GRIK1: variants seen among roughly 807,000 people sequenced by gnomAD.
The protein encoded by GRIK1 is glutamate ionotropic receptor kainate type subunit 1.
GRIK1 carries 69 observed loss-of-function variants against 105.7 expected under a neutral mutation model. That is an observed-to-expected ratio of 0.65 (90% CI 0.54 to 0.80). The LOEUF is 0.80. Among genes scored for constraint, GRIK1 ranks in the 30% least tolerant of loss-of-function variants. The pLI is 0.00. For missense variants in GRIK1, 1,109 were observed against 1,167.3 expected (o/e 0.95, Z 0.73); for synonymous variants, 438 against 431.3 (o/e 1.02, Z -0.19).
chr21:29,786,230 G>A (rs1488999214), intron 1 of GRIK1, among the ~76,000 whole-genome samples: 2 of 152,022 alleles, frequency 1.3e-5, no homozygotes, highest in African/African-American at 2.4e-5. Context: ...CCTGTGATCC[G>A]CCCGCCTCAG....
At chr21:29,857,813 T>C (rs1295613917) in intron 1 of GRIK1, among the ~76,000 whole-genome samples, 1 of 152,364 alleles carries the variant, frequency 6.6e-6, no homozygotes, top group South Asian at 2.1e-4. Context: ...TGAGTTATCA[T>C]GTCAAGACTT....
At chr21:29,667,767 T>C (rs1446969939) in intron 4 of GRIK1, among the ~76,000 whole-genome samples, 1 of 152,214 alleles carries the variant, frequency 6.6e-6, no homozygotes, top group Non-Finnish European at 1.5e-5. Flanking sequence ...GCCATCTTGC[T>C]TTTCATCAGA....
Position 29,939,469 on chromosome 21 carries a change from C to A in GRIK1, c.32G>T (p.Gly11Val), listed in dbSNP as rs1356884853. 4.4e-6 allele frequency: 7 copies of A among 1,599,332 alleles called. No individual in the cohort carries two copies. The highest frequency in any genetic ancestry group is 3.3e-4 in the Middle Eastern group (2 of 6,004). The change falls in exon 1 of 18, where the codon GGG becomes GTG. Residue 11 changes from glycine (G) to valine (V), a missense_variant. Physicochemically the swap from Gly to Val is moderately radical, Grantham distance 109. Transcript: ENST00000327783. ...CCAGCTGGTGTCCCTGGTCCAGAGC[C>A]CGGGCTGGGCGAGGAGTGTGCCGTG... MEHGTLLAQP[G>V]LWTRDTSWAL...
chr21:29,784,576 A>G (rs1016401625), intron 1 of GRIK1, among the ~76,000 whole-genome samples: 4 of 152,180 alleles, frequency 2.6e-5, no homozygotes, highest in African/African-American at 9.7e-5. Context: ...TTGGAGATTT[A>G]TAAGCTCTGA....
At chr21:29,847,303 TTAAC>T (rs1277295472) in intron 1 of GRIK1, among the ~76,000 whole-genome samples, 2 of 152,162 alleles carry the variant, frequency 1.3e-5, no homozygotes, top group Non-Finnish European at 2.9e-5. Context: ...TTTCTATACT[TTAAC>T]TATTGTGGCC....
chr21:29,673,421 C>T (rs1167179456), intron 3 of GRIK1, among the ~76,000 whole-genome samples: 2 of 152,084 alleles, frequency 1.3e-5, no homozygotes, highest in Non-Finnish European at 2.9e-5. Flanking sequence ...TTGTCCTTTC[C>T]AGCTTTCAGC....
At chr21:29,910,917 G>C (rs1203068727) in intron 1 of GRIK1, among the ~76,000 whole-genome samples, 1 of 151,954 alleles carries the variant, frequency 6.6e-6, no homozygotes, top group African/African-American at 2.4e-5. Flanking sequence ...GTTTGGAACA[G>C]CTTATCATAA....
Position 29,577,064 on chromosome 21 carries a change from T to C in GRIK1, c.2030A>G (p.Glu677Gly), listed in dbSNP as rs922764806. ...CGAATCTATGGGGGATTCCATTCTC[T>C]CTACTGTCAAGAAGGCAGCCAGATT... Reference protein sequence around the residue: ...TANLAAFLTVERMESPIDSAD... With the variant: ...TANLAAFLTVGRMESPIDSAD... The change falls in exon 14 of 18, where the codon GAG (glutamate) becomes GGG (glycine). Residue 677 changes from glutamate (E) to glycine (G), a missense_variant. Glu to Gly is a moderately conservative substitution (Grantham distance 98). Transcript: ENST00000327783. 5.6e-6 allele frequency: 9 copies of C among 1,613,258 alleles called. No homozygotes were observed. The highest frequency in any genetic ancestry group is 5.9e-6 in the Non-Finnish European group (7 of 1,179,348).
chr21:29,919,192 C>T (rs2071106434), intron 1 of GRIK1, among the ~76,000 whole-genome samples: 1 of 152,080 alleles, frequency 6.6e-6, no homozygotes, highest in African/African-American at 2.4e-5. Context: ...CTGTTCCTGT[C>T]TTCCAAGCTG....
chr21:29,847,265 T>C (rs1269677434), intron 1 of GRIK1, among the ~76,000 whole-genome samples: 1 of 152,192 alleles, frequency 6.6e-6, no homozygotes, highest in African/African-American at 2.4e-5. Flanking sequence ...CTATTTCTTT[T>C]ATAAGTTACT....
At chr21:29,782,279 G>A (rs938064917) in intron 1 of GRIK1, among the ~76,000 whole-genome samples, 1 of 151,454 alleles carries the variant, frequency 6.6e-6, no homozygotes, top group Admixed American at 6.6e-5. Flanking sequence ...GTAGAGACAG[G>A]GTTTCACCGT....
chr21:29,570,121 C>G (rs980347047), intron 14 of GRIK1, among the ~76,000 whole-genome samples: 10 of 152,050 alleles, frequency 6.6e-5, no homozygotes, highest in African/African-American at 2.2e-4. Flanking sequence ...ATAATTTCAT[C>G]AGCAGAGAAC....
chr21:29,573,953 T>C (rs529941201), intron 14 of GRIK1, among the ~76,000 whole-genome samples: 42 of 152,328 alleles, frequency 2.8e-4, no homozygotes, highest in African/African-American at 9.9e-4. Flanking sequence ...TCTGAAACTT[T>C]TTGAGCACTG....
rs1275563316 is a variant in GRIK1, at chr21:29,863,532, A to G, written c.118+75851T>C. On this transcript the variant is annotated intron_variant, in intron 1 of 17. Coordinates refer to ENST00000327783, the MANE Select transcript of GRIK1 (RefSeq NM_001330994.2). Reference sequence around the variant, plus strand: ...TTTCATTTGGCATTTAGACACTTTAAAAAATTATGTTCACACTAGTTGTCC... The same window carrying G: ...TTTCATTTGGCATTTAGACACTTTAGAAAATTATGTTCACACTAGTTGTCC... 3.9e-5 allele frequency among the ~76,000 whole-genome samples: 6 copies of G among 152,274 alleles called. No individual in the cohort carries two copies. In the Middle Eastern group the frequency reaches 0.01, roughly 259 times the overall value.
intron 11 of GRIK1, among the ~76,000 whole-genome samples, chr21:29,588,477 C>T (rs1283948963): frequency 6.6e-6 from 1 of 152,146 alleles, no homozygotes; most frequent in Non-Finnish European, 1.5e-5. Flanking sequence ...CCCCTGCTTT[C>T]ACGCATTCTC....
chr21:29,544,610 T>A (rs1422219339), intron 16 of GRIK1, among the ~76,000 whole-genome samples: 1 of 152,178 alleles, frequency 6.6e-6, no homozygotes, highest in African/African-American at 2.4e-5. Context: ...ATTTGGAGCT[T>A]TGAGCTTTTT....
intron 15 of GRIK1, among the ~76,000 whole-genome samples, chr21:29,560,746 C>T (rs2090460367): frequency 6.6e-6 from 1 of 151,284 alleles, no homozygotes; most frequent in African/African-American, 2.4e-5. Flanking sequence ...GGACTATAGG[C>T]ACATGGCACC....
intron 12 of GRIK1, 50 bp from the exon 13 acceptor site, chr21:29,581,593 A>T (rs1476380652): frequency 1.8e-6 from 2 of 1,119,584 alleles, no homozygotes; most frequent in African/African-American, 1.5e-5. Flanking sequence ...AACACACAGG[A>T]CACCAGCAAA....
chr21:29,912,573 G>A (rs751064319), intron 1 of GRIK1, among the ~76,000 whole-genome samples: 1 of 151,994 alleles, frequency 6.6e-6, no homozygotes, highest in Non-Finnish European at 1.5e-5. Flanking sequence ...CTTTCAAAAG[G>A]TATATGGGAA....
Sources: allele counts gnomAD v4.1 joint callset (sites outside exome capture counted in the v4.1 genomes callset), GRCh38; gene constraint gnomAD v4.1.1; transcripts MANE v1.5; gene names NCBI Gene and HGNC (gene_info 2026-07-23, HGNC 2026-07-21).